The following NET1 variants were observed in gnomAD, a reference collection of about 807,000 sequenced individuals.
NET1 encodes the protein neuroepithelial cell-transforming gene 1 protein.
In NET1, 42 loss-of-function variants were observed where a neutral mutation model predicts 61.1. The ratio of observed to expected loss-of-function variants is 0.69; its 90% CI spans 0.54 to 0.89. NET1 has a LOEUF of 0.89. Among genes scored for constraint, NET1 ranks in the 40% least tolerant of loss-of-function variants. NET1 has a pLI of 0.00. For missense variants in NET1, 654 were observed against 747.3 expected (o/e 0.88, Z 1.46); for synonymous variants, 254 against 281.8 (o/e 0.90, Z 0.99).
rs1231373986 is a variant in NET1, at chr10:5,428,512, C to A, written c.196-658C>A. On this transcript the variant is annotated intron_variant, in intron 2 of 11. Transcript: ENST00000355029. ...TGTGTTCCTTTTCAAAAAAAAAAAA[C>A]TAGCTGATTTTATATTTAAAAAATT... 2.2e-4 allele frequency among the ~76,000 whole-genome samples: 24 copies of A among 107,336 alleles called. 1 individual carries two copies. Among genetic ancestry groups the A allele is most frequent in the African/African-American group, 8.1e-4 (24 of 29,710 alleles). 70.4% of individuals were successfully genotyped at this position (107,336 alleles called of 152,430 possible).
chr10:5,457,702 ATG>A lies in NET1; in HGVS notation c.*716_*717del, dbSNP rs963407525. The A allele has an allele frequency of 2.0e-5, 3 of 152,012 alleles. No homozygotes were observed. The highest frequency in any genetic ancestry group is 7.3e-5 in the African/African-American group (3 of 41,256). 9.4% of individuals were successfully genotyped at this position (152,012 alleles called of 1,614,324 possible). A position where few individuals can be genotyped will look rare whatever the true frequency, so the allele number is the denominator to read the frequency against. On this transcript the variant is annotated 3_prime_UTR_variant, in exon 12 of 12. Coordinates refer to ENST00000355029, the MANE Select transcript of NET1 (RefSeq NM_001047160.3). This position sits in a 1 kb window ranked among gnomAD's most constrained non-coding sequence, Gnocchi z 5.4. ...AAAGTATTTTTCTTCCTGATTAAAAATGTGTGTGTATGTGTGTGTGTGTGTGT... is the reference window on the plus strand; with the variant it reads ...AAAGTATTTTTCTTCCTGATTAAAAATGTGTGTATGTGTGTGTGTGTGTGT...
intron 2 of NET1, among the ~76,000 whole-genome samples, chr10:5,428,881 C>T (rs944053112): frequency 2.3e-4 from 29 of 125,822 alleles, no homozygotes; most frequent in African/African-American, 7.8e-4. Flanking sequence ...TGTCACCACG[C>T]GCAGCTAATT....
chr10:5,430,347 T>C (rs1411751829), intron 3 of NET1, among the ~76,000 whole-genome samples: 1 of 152,160 alleles, frequency 6.6e-6, no homozygotes, highest in Non-Finnish European at 1.5e-5. Flanking sequence ...AAATATTCCA[T>C]TTACTATCTT....
At position 5,447,758 on chromosome 10, in the gene NET1, G is replaced by T. The variant is rs999443188; in HGVS notation, c.256-4072G>T. ...AGGAAGTACACTTTTATTTGGTGTG[G>T]TTTGGCTTTGGTTTTTGTTCTTGGT... On this transcript the variant is annotated intron_variant, in intron 3 of 11. Coordinates refer to ENST00000355029, the MANE Select transcript of NET1 (RefSeq NM_001047160.3). The surrounding 1 kb of genome is among the most constrained non-coding windows in gnomAD (Gnocchi z 4.1). 2.0e-5 allele frequency among the ~76,000 whole-genome samples: 3 copies of T among 152,182 alleles called. No homozygotes were observed. The highest frequency in any genetic ancestry group is 4.4e-5 in the Non-Finnish European group (3 of 68,036).
In NET1 at chr10:5,420,788, G is replaced by C. The variant is rs1357531310; in HGVS notation, c.129-5867G>C. On this transcript the variant is annotated intron_variant, in intron 1 of 11. Transcript: ENST00000355029. The surrounding 1 kb of genome is among the most constrained non-coding windows in gnomAD (Gnocchi z 5.3). ...TTTTTGTATTTTTAGTAGAGACGGG[G>C]TTTCACCATGTTGGCCAGGATGGTT... Among the ~76,000 whole-genome samples the C allele has an allele frequency of 6.6e-6, 1 of 151,972 alleles. No individual in the cohort carries two copies. The highest frequency in any genetic ancestry group is 1.9e-4 in the East Asian group (1 of 5,180).
rs1168359563 is a variant in NET1 at position 5,444,469 on chromosome 10, CT to C, written c.256-7358del. Among the ~76,000 whole-genome samples, 1 of 152,222 alleles carries C rather than the reference CT, an allele frequency of 6.6e-6. No homozygotes were observed. The highest frequency in any genetic ancestry group is 2.4e-5 in the African/African-American group (1 of 41,474). On this transcript the variant is annotated intron_variant, in intron 3 of 11. Coordinates refer to ENST00000355029, the MANE Select transcript of NET1 (RefSeq NM_001047160.3). This position sits in a 1 kb window ranked among gnomAD's most constrained non-coding sequence, Gnocchi z 5.3. ...TTCAGCCCCTGTAATTTGCCTCTGT[CT>C]TTACTCCACTGAAATAGCACACTTG...
rs1564469415 is a variant in NET1, at chr10:5,455,076, A to C, written c.1155A>C (p.Lys385Asn). The change falls in exon 10 of 12, where the codon AAA (lysine) becomes AAC (asparagine). Residue 385 changes from lysine (K) to asparagine (N), a missense_variant. Lys to Asn is a moderately conservative substitution (Grantham distance 94). Coordinates refer to ENST00000355029, the MANE Select transcript of NET1 (RefSeq NM_001047160.3). The surrounding 1 kb of genome is among the most constrained non-coding windows in gnomAD (Gnocchi z 6.5). ...KQRDPRIEAS[K>N]VLLCHGELRS... ...GGGACCCCAGAATCGAAGCGAGCAA[A>C]GTGCTGCTGTGCCATGGGGAGCTGC... 1 of 1,613,970 alleles carries C rather than the reference A, an allele frequency of 6.2e-7. No individual in the cohort carries two copies. The highest frequency in any genetic ancestry group is 1.1e-5 in the South Asian group (1 of 91,072).
chr10:5,427,440 A>G lies in NET1; in HGVS notation c.195+719A>G, dbSNP rs1257244437. Among the ~76,000 whole-genome samples, 1 of 152,048 alleles carries G rather than the reference A, an allele frequency of 6.6e-6. No homozygotes were observed. Among genetic ancestry groups the G allele is most frequent in the African/African-American group, 2.4e-5 (1 of 41,402 alleles). ...TCCTCCCCACTTCTTCTCCTTCTCC[A>G]TATTAGTCCATTCCCAGGCTCTGCT... On this transcript the variant is annotated intron_variant, in intron 2 of 11. Coordinates refer to ENST00000355029, the MANE Select transcript of NET1 (RefSeq NM_001047160.3). This position sits in a 1 kb window ranked among gnomAD's most constrained non-coding sequence, Gnocchi z 4.1.
chr10:5,414,951 A>G (rs1246278885), intron 1 of NET1, among the ~76,000 whole-genome samples: 12 of 152,246 alleles, frequency 7.9e-5, no homozygotes, highest in Admixed American at 7.8e-4. Flanking sequence ...AAAGCGTAGT[A>G]ACACAGGCAG....
Position 5,455,979 on chromosome 10 carries a change from C to T in NET1, c.1198-108C>T, listed in dbSNP as rs928405166. On this transcript the variant is annotated intron_variant, in intron 10 of 11. Coordinates refer to ENST00000355029, the MANE Select transcript of NET1 (RefSeq NM_001047160.3). This position sits in a 1 kb window ranked among gnomAD's most constrained non-coding sequence, Gnocchi z 6.5. ...TAGATTTGTCACTTAGAGAGATCTT[C>T]GAAAAATAAATCTGATGAAATTAAT... 13 of 1,148,432 alleles carry T rather than the reference C, an allele frequency of 1.1e-5. No homozygotes were observed. The Admixed American group carries it at 2.0e-4, about 18-fold the overall frequency. The allele number at this position is 1,148,432 out of a possible 1,614,324, so 71.1% of individuals were successfully genotyped here.
rs1832264950 is a variant in NET1, at chr10:5,426,775, G to C, written c.195+54G>C. The C allele has an allele frequency of 1.5e-6, 2 of 1,311,406 alleles. No individual in the cohort carries two copies. The highest frequency in any genetic ancestry group is 4.3e-5 in the Admixed American group (2 of 46,458). The allele number at this position is 1,311,406 out of a possible 1,614,324, so 81.2% of individuals were successfully genotyped here. ...AGACATTAGATAGAATTAATTCCCT[G>C]GTTTCTTTCAGTCTGTTACACAGAT... On this transcript the variant is annotated intron_variant, in intron 2 of 11. Transcript: ENST00000355029. This position sits in a 1 kb window ranked among gnomAD's most constrained non-coding sequence, Gnocchi z 4.6.
Position 5,452,367 on chromosome 10 carries a change from C to A in NET1, c.373C>A (p.Leu125Ile). 6.2e-7 allele frequency: 1 copy of A among 1,606,894 alleles called. No individual in the cohort carries two copies. The highest frequency in any genetic ancestry group is 8.5e-7 in the Non-Finnish European group (1 of 1,175,948). ...CCTTTTCTTTTTTAAGTCATTTACC[C>A]TTCGTGGTGACCACAGATCCCCAGC... Reference protein sequence around the residue: ...RFGQTIQSFTLRGDHRSPASA... With the variant: ...RFGQTIQSFTIRGDHRSPASA... Residue 125 changes from leucine to isoleucine, a missense_variant, in exon 5 of 12, where the codon CTT (leucine) becomes ATT (isoleucine). Physicochemically the swap from Leu to Ile is conservative, Grantham distance 5. Coordinates refer to ENST00000355029, the MANE Select transcript of NET1 (RefSeq NM_001047160.3). The surrounding 1 kb of genome is among the most constrained non-coding windows in gnomAD (Gnocchi z 4.0).
At chr10:5,418,936 ATTGT>A (rs1832123763) in intron 1 of NET1, among the ~76,000 whole-genome samples, 1 of 152,222 alleles carries the variant, frequency 6.6e-6, no homozygotes, top group South Asian at 2.1e-4. Context: ...TTAGGAATGA[ATTGT>A]TTAATTTCCA....
Position 5,453,538 on chromosome 10 carries a change from T to C in NET1, c.746T>C (p.Ile249Thr), listed in dbSNP as rs775310225. The change falls in exon 8 of 12, where the codon ATT becomes ACT. Residue 249 changes from isoleucine (I) to threonine (T), a missense_variant. Ile to Thr is a moderately conservative substitution (Grantham distance 89, BLOSUM62 -1). Transcript: ENST00000355029. This position sits in a 1 kb window ranked among gnomAD's most constrained non-coding sequence, Gnocchi z 4.9. ...ATKPDGTVEQ[I>T]GHILVSWLPR... The stretch of plus-strand genomic sequence containing the variant: ...AAGCCTGATGGAACAGTGGAGCAGA[T>C]TGGTCACATTCTCGTGAGCTGGGTA... 7.4e-6 allele frequency: 12 copies of C among 1,614,184 alleles called. No homozygotes were observed. Among genetic ancestry groups the C allele is most frequent in the African/African-American group, 1.3e-5 (1 of 75,054 alleles).
rs1220058320 is a variant in NET1 at position 5,435,120 on chromosome 10, G to C, written c.255+5891G>C. Reference sequence around the variant, plus strand: ...GATACTCAACCCTGGCTGCAGATCAGAGTCACCTGAGGGTGGCTTGTGTAG... The same window carrying C: ...GATACTCAACCCTGGCTGCAGATCACAGTCACCTGAGGGTGGCTTGTGTAG... On this transcript the variant is annotated intron_variant, in intron 3 of 11. Coordinates refer to ENST00000355029, the MANE Select transcript of NET1 (RefSeq NM_001047160.3). The surrounding 1 kb of genome is among the most constrained non-coding windows in gnomAD (Gnocchi z 5.0). Among the ~76,000 whole-genome samples, 1 of 152,194 alleles carries C rather than the reference G, an allele frequency of 6.6e-6. No individual in the cohort carries two copies. Among genetic ancestry groups the C allele is most frequent in the Non-Finnish European group, 1.5e-5 (1 of 68,036 alleles).
At chr10:5,414,273 G>A (rs1274154212) in intron 1 of NET1, among the ~76,000 whole-genome samples, 1 of 152,152 alleles carries the variant, frequency 6.6e-6, no homozygotes, top group African/African-American at 2.4e-5. Flanking sequence ...GACAGAGTTT[G>A]GGTTTTATCT....
At position 5,423,719 on chromosome 10, in the gene NET1, T is replaced by A. The variant is rs533702178; in HGVS notation, c.129-2936T>A. Among the ~76,000 whole-genome samples the A allele has an allele frequency of 5.9e-4, 90 of 152,294 alleles. No individual in the cohort carries two copies. Among genetic ancestry groups the A allele is most frequent in the African/African-American group, 2.1e-3 (88 of 41,582 alleles). On this transcript the variant is annotated intron_variant, in intron 1 of 11. Coordinates refer to ENST00000355029, the MANE Select transcript of NET1 (RefSeq NM_001047160.3). The surrounding 1 kb of genome is among the most constrained non-coding windows in gnomAD (Gnocchi z 4.4). ...TTATTCTGTGTATCCTCTGGAAAAA[T>A]AACTTGCAATCTTAATGTTTTATGA...
At position 5,456,319 on chromosome 10, in the gene NET1, C is replaced by T; in HGVS notation, c.1384+46C>T. 6.7e-7 allele frequency: 1 copy of T among 1,492,068 alleles called. No homozygotes were observed. The highest frequency in any genetic ancestry group is 9.0e-7 in the Non-Finnish European group (1 of 1,113,102). 92.4% of individuals were successfully genotyped at this position (1,492,068 alleles called of 1,614,324 possible). On this transcript the variant is annotated intron_variant, in intron 11 of 11. Transcript: ENST00000355029. This position sits in a 1 kb window ranked among gnomAD's most constrained non-coding sequence, Gnocchi z 7.0. Reference sequence around the variant, plus strand: ...AATTTAAAGAAATAGAAGCTCAGAACTGAAGTGAATTTAGTTTTGCCTTTA... The same window carrying T: ...AATTTAAAGAAATAGAAGCTCAGAATTGAAGTGAATTTAGTTTTGCCTTTA...
chr10:5,425,431 AACAG>A (rs1223479881), intron 1 of NET1, among the ~76,000 whole-genome samples: 9 of 152,336 alleles, frequency 5.9e-5, no homozygotes, highest in African/African-American at 2.2e-4. Context: ...CACATGTATA[AACAG>A]ACAATGACTT....
Sources: allele counts gnomAD v4.1 joint callset (sites outside exome capture counted in the v4.1 genomes callset), GRCh38; gene constraint gnomAD v4.1.1; non-coding constraint Gnocchi (gnomAD v3.1); transcripts MANE v1.5; gene names NCBI Gene and HGNC (gene_info 2026-07-23, HGNC 2026-07-21).